OR10A3: variants seen among roughly 807,000 people sequenced by gnomAD.
The protein encoded by OR10A3 is olfactory receptor family 10 subfamily A member 3, also known as olfactory receptor 10A3.
A neutral mutation model predicts 1.5 loss-of-function variants in OR10A3; 1 was observed. The observed-to-expected ratio is 0.66, with a 90% CI of 0.23 to 3.11. OR10A3 has a LOEUF of 3.11. Ranked by LOEUF, OR10A3 falls within the 30% of genes most tolerant of loss-of-function variation. OR10A3 has a pLI of 0.21. For missense variants in OR10A3, 398 were observed against 369.7 expected, an observed-to-expected ratio of 1.08 and a Z score of -0.63; for synonymous variants, 145 against 143.7, an observed-to-expected ratio of 1.01 and a Z score of -0.06.
rs370587299 is a variant in OR10A3 at position 7,939,494 on chromosome 11, C to T, written c.27G>A (p.Val9=). MKRQNQSC[V]VEFILLGFSN... ...AAAAGCCCAGGAGGATGAATTCAAC[C>T]ACACAGCTTTGATTTTGTCTTTTCA... The change falls in exon 2 of 2, where the codon GTG becomes GTA. Residue 9 remains valine (V), a synonymous_variant. Transcript: ENST00000642047. The T allele has an allele frequency of 3.2e-5, 50 of 1,575,124 alleles. No individual in the cohort carries two copies. Among genetic ancestry groups the T allele is most frequent in the Non-Finnish European group, 4.3e-5 (50 of 1,168,130 alleles).
intron 1 of OR10A3, among the ~76,000 whole-genome samples, chr11:7,940,532 C>T (rs986027059): frequency 2.6e-5 from 4 of 152,010 alleles, no homozygotes; most frequent in African/African-American, 7.3e-5. Context: ...GTTTTATACC[C>T]GTTCCTCCAA....
Position 7,939,606 on chromosome 11 carries a change from G to A in OR10A3, c.-86C>T, listed in dbSNP as rs772247986. ...TCCCATAGCTGTGAGTTCAAGTCTG[G>A]AATTCTTGACAGCAGATGTAATGAC... On this transcript the variant is annotated 5_prime_UTR_variant, in exon 2 of 2. Coordinates refer to ENST00000642047, the MANE Select transcript of OR10A3 (RefSeq NM_001003745.2). 1.9e-6 allele frequency: 2 copies of A among 1,070,514 alleles called. No individual in the cohort carries two copies. Among genetic ancestry groups the A allele is most frequent in the East Asian group, 2.6e-5 (1 of 38,514 alleles). The allele number at this position is 1,070,514 out of a possible 1,614,324, so 66.3% of individuals were successfully genotyped here.
intron 1 of OR10A3, 95 bp from the exon 2 acceptor site, chr11:7,939,793 G>A (rs981530592): frequency 2.7e-6 from 1 of 368,712 alleles, no homozygotes; most frequent in Non-Finnish European, 4.8e-6. Flanking sequence ...CAACATCTTT[G>A]TTTTGTAGGT....
Position 7,937,765 on chromosome 11 carries a change from ACAT to A in OR10A3, c.*808_*810del, listed in dbSNP as rs1197009526. ...ACAAATTTTCAATCCAAAAATAGAA[ACAT>A]CATCACCTTATTTGTTGGTCTCTTG... On this transcript the variant is annotated 3_prime_UTR_variant, in exon 2 of 2. Coordinates refer to ENST00000642047, the MANE Select transcript of OR10A3 (RefSeq NM_001003745.2). 1 of 152,198 alleles carries A rather than the reference ACAT, an allele frequency of 6.6e-6. No individual in the cohort carries two copies. The allele number at this position is 152,198 out of a possible 1,614,324, so 9.4% of individuals were successfully genotyped here.
rs1462700342 is a variant in OR10A3, at chr11:7,938,250, G to C, written c.*326C>G. Reference sequence around the variant, plus strand: ...ACCCAGGAGGTGGAGGTTGCAGTGAGCCCAGATCGTGCCATTGCACTCCAG... The same window carrying C: ...ACCCAGGAGGTGGAGGTTGCAGTGACCCCAGATCGTGCCATTGCACTCCAG... On this transcript the variant is annotated 3_prime_UTR_variant, in exon 2 of 2. Transcript: ENST00000642047. 2 of 209,052 alleles carry C rather than the reference G, an allele frequency of 9.6e-6. No homozygotes were observed. Among genetic ancestry groups the C allele is most frequent in the Non-Finnish European group, 1.9e-5 (2 of 107,340 alleles). The allele number at this position is 209,052 out of a possible 1,614,324, so 12.9% of individuals were successfully genotyped here. A position where few individuals can be genotyped will look rare whatever the true frequency, so the allele number is the denominator to read the frequency against.
chr11:7,939,260 A>C lies in OR10A3; in HGVS notation c.261T>G (p.Thr87=). The change falls in exon 2 of 2, where the codon ACT becomes ACG. Residue 87 remains threonine, a synonymous_variant. Transcript: ENST00000642047. ...ITPEMLVVLS[T]EKTMISFVGC... ...CCACAAAAGAAATCATAGTTTTCTCAGTAGAGAGCACCACCAGCATTTCAG... is the reference window on the plus strand; with the variant it reads ...CCACAAAAGAAATCATAGTTTTCTCCGTAGAGAGCACCACCAGCATTTCAG... 1 of 1,614,228 alleles carries C rather than the reference A, an allele frequency of 6.2e-7. No homozygotes were observed. The highest frequency in any genetic ancestry group is 1.1e-5 in the South Asian group (1 of 91,084).
chr11:7,939,042 GT>G lies in OR10A3; in HGVS notation c.478del (p.Thr160ProfsTer26), dbSNP rs773725430. ...ISGIMVATVQ[T>X]TWVFSFPFCG... ...AAATGGAAAACTAAATACCCAAGTG[GT>G]CTGCACAGTAGCCACCATGATCCCT... On this transcript the variant is annotated frameshift_variant, in exon 2 of 2. Coordinates refer to ENST00000642047, the MANE Select transcript of OR10A3 (RefSeq NM_001003745.2). LOFTEE classifies it high-confidence loss of function. 5.9e-5 allele frequency: 96 copies of G among 1,613,912 alleles called. No homozygotes were observed. Among genetic ancestry groups the G allele is most frequent in the Non-Finnish European group, 8.0e-5 (94 of 1,180,016 alleles).
chr11:7,940,635 C>G (rs1378317121), intron 1 of OR10A3, among the ~76,000 whole-genome samples: 1 of 151,632 alleles, frequency 6.6e-6, no homozygotes, highest in Non-Finnish European at 1.5e-5. Flanking sequence ...GCCCACTTCT[C>G]AGGCTGGCAT....
Position 7,938,379 on chromosome 11 carries a change from G to C in OR10A3, c.*197C>G. The C allele has an allele frequency of 1.9e-6, 1 of 518,132 alleles. No individual in the cohort carries two copies. Among genetic ancestry groups the C allele is most frequent in the Non-Finnish European group, 3.4e-6 (1 of 296,628 alleles). 32.1% of individuals were successfully genotyped at this position (518,132 alleles called of 1,614,324 possible). A position where few individuals can be genotyped will look rare whatever the true frequency, so the allele number is the denominator to read the frequency against. On this transcript the variant is annotated 3_prime_UTR_variant, in exon 2 of 2. Coordinates refer to ENST00000642047, the MANE Select transcript of OR10A3 (RefSeq NM_001003745.2). The stretch of plus-strand genomic sequence containing the variant: ...TAATAGAGAAATGGATGAATAAACT[G>C]TTGTGTCATGTTATGAGAACATATG...
chr11:7,940,614 TA>T (rs1313658300), intron 1 of OR10A3, among the ~76,000 whole-genome samples: 2 of 150,598 alleles, frequency 1.3e-5, no homozygotes, highest in African/African-American at 2.4e-5. Context: ...CCCTTATCAG[TA>T]AAATACAATG....
At chr11:7,941,397 T>A (rs911987165) in intron 1 of OR10A3, among the ~76,000 whole-genome samples, 190 bp downstream of exon 1, 1 of 152,218 alleles carries the variant, frequency 6.6e-6, no homozygotes. Context: ...CTGTATAATC[T>A]TGGGCAAATA....
rs1330731932 is a variant in OR10A3 at position 7,938,874 on chromosome 11, A to C, written c.647T>G (p.Leu216Trp). 15 of 1,614,236 alleles carry C rather than the reference A, an allele frequency of 9.3e-6. No homozygotes were observed. Among genetic ancestry groups the C allele is most frequent in the Non-Finnish European group, 1.3e-5 (15 of 1,180,044 alleles). Reference protein sequence around the residue: ...IVMVPFLLILLSYIRVLFAIL... With the variant: ...IVMVPFLLILWSYIRVLFAIL... ...GGCAAACAGAACTCGAATGTAAGAC[A>C]AGAGGATCAACAAGAAAGGAACCAT... The change falls in exon 2 of 2, where the codon TTG becomes TGG. Residue 216 changes from leucine (L) to tryptophan (W), a missense_variant. Physicochemically the swap from Leu to Trp is moderately conservative, Grantham distance 61. Coordinates refer to ENST00000642047, the MANE Select transcript of OR10A3 (RefSeq NM_001003745.2).
chr11:7,940,768 A>G (rs374404920), intron 1 of OR10A3, among the ~76,000 whole-genome samples: 3 of 152,338 alleles, frequency 2.0e-5, no homozygotes, highest in East Asian at 3.9e-4. Flanking sequence ...AGGTCCATTA[A>G]GCAGAGGAGA....
At position 7,939,166 on chromosome 11, in the gene OR10A3, C is replaced by A; in HGVS notation, c.355G>T (p.Ala119Ser). The change falls in exon 2 of 2, where the codon GCT becomes TCT. Residue 119 changes from alanine (A) to serine (S), a missense_variant. Coordinates refer to ENST00000642047, the MANE Select transcript of OR10A3 (RefSeq NM_001003745.2). Reference sequence around the variant, plus strand: ...CAAATTGCAGCAAATCGGTCATAAGCCATCGCTCCCAGGAGAAAACATTCA... The same window carrying A: ...CAAATTGCAGCAAATCGGTCATAAGACATCGCTCCCAGGAGAAAACATTCA... The part of the protein sequence containing the change: ...GTECFLLGAM[A>S]YDRFAAICHP... 1 of 1,614,202 alleles carries A rather than the reference C, an allele frequency of 6.2e-7. No individual in the cohort carries two copies. The highest frequency in any genetic ancestry group is 8.5e-7 in the Non-Finnish European group (1 of 1,180,036).
chr11:7,939,206 A>G lies in OR10A3; in HGVS notation c.315T>C (p.Leu105=), dbSNP rs1387963883. 3 of 1,614,218 alleles carry G rather than the reference A, an allele frequency of 1.9e-6. No individual in the cohort carries two copies. The South Asian group carries it at 3.3e-5, about 18-fold the overall frequency. The stretch of plus-strand genomic sequence containing the variant: ...GAAAACATTCAGTCCCACCAAAAAG[A>G]AGGATGAAATACATCTGTGCAAAAC... The part of the protein sequence containing the change: ...VGCFAQMYFI[L]LFGGTECFLL... Residue 105 remains leucine, a synonymous_variant, in exon 2 of 2, where the codon CTT becomes CTC. Transcript: ENST00000642047.
chr11:7,938,408 C>T lies in OR10A3; in HGVS notation c.*168G>A. 1 of 583,792 alleles carries T rather than the reference C, an allele frequency of 1.7e-6. No individual in the cohort carries two copies. Among genetic ancestry groups the T allele is most frequent in the Non-Finnish European group, 3.0e-6 (1 of 333,928 alleles). 36.2% of individuals were successfully genotyped at this position (583,792 alleles called of 1,614,324 possible). ...TGTCATGTTATGAGAACATATGTAT[C>T]TACTAAAAACAAGTGACAGCAGTTC... On this transcript the variant is annotated 3_prime_UTR_variant, in exon 2 of 2. Transcript: ENST00000642047.
At chr11:7,940,053 C>A (rs933014705) in intron 1 of OR10A3, among the ~76,000 whole-genome samples, 2 of 152,204 alleles carry the variant, frequency 1.3e-5, no homozygotes, top group African/African-American at 4.8e-5. Flanking sequence ...TTGGGTTCCC[C>A]ATCTGTATGG....
chr11:7,939,287 C>A lies in OR10A3; in HGVS notation c.234G>T (p.Thr78=). ...TAGAGAGCACCACCAGCATTTCAGGCGTAATGACTGCACTGAAACTCACCT... is the reference window on the plus strand; with the variant it reads ...TAGAGAGCACCACCAGCATTTCAGGAGTAATGACTGCACTGAAACTCACCT... The part of the protein sequence containing the change: ...VVEVSFSAVI[T]PEMLVVLSTE... The change falls in exon 2 of 2, where the codon ACG becomes ACT. Residue 78 remains threonine, a synonymous_variant. Transcript: ENST00000642047. The A allele has an allele frequency of 1.2e-6, 2 of 1,614,056 alleles. No homozygotes were observed. Among genetic ancestry groups the A allele is most frequent in the Middle Eastern group, 1.6e-4 (1 of 6,062 alleles).
intron 1 of OR10A3, among the ~76,000 whole-genome samples, chr11:7,940,124 T>C (rs1033004957): frequency 1.3e-5 from 2 of 152,152 alleles, no homozygotes; most frequent in African/African-American, 4.8e-5. Flanking sequence ...AATTTGTTGA[T>C]AGAAAACTGC....
Sources: allele counts gnomAD v4.1 joint callset (sites outside exome capture counted in the v4.1 genomes callset), GRCh38; gene constraint gnomAD v4.1.1; transcripts MANE v1.5; gene names NCBI Gene and HGNC (gene_info 2026-07-23, HGNC 2026-07-21).